CYP2J2: variants seen among roughly 807,000 people sequenced by gnomAD.
CYP2J2 encodes cytochrome P450 family 2 subfamily J member 2.
In CYP2J2, 41 loss-of-function variants were observed where a neutral mutation model predicts 48.8. The ratio of observed to expected loss-of-function variants is 0.84; its 90% confidence interval spans 0.66 to 1.09. The LOEUF is 1.09. Among genes scored for constraint, CYP2J2 ranks in the 50% least tolerant of loss-of-function variants. CYP2J2 has a pLI of 0.00. For synonymous variants in CYP2J2, 221 were observed against 227.1 expected (o/e 0.97, Z 0.24); for missense variants, 644 against 617.3 (o/e 1.04, Z -0.46).
At chr1:59,933,562 C>T in the CYP2J2 span, among the ~76,000 whole-genome samples, 315 of 152,128 alleles carry the variant, frequency 2.1e-3, 3 homozygotes, top group African/African-American at 6.9e-3. Flanking sequence ...CTTATTAGTT[C>T]TAACAGTTTT....
chr1:59,926,729 G>C lies in CYP2J2; in HGVS notation c.18C>G (p.Gly6=). The change falls in exon 1 of 9, where the codon GGC becomes GGG. Residue 6 remains glycine, a synonymous_variant. Transcript: ENST00000371204. MLAAM[G]SLAAALWAVV... is the part of the protein sequence containing the mutation. ...CTGCCCAGAGGGCAGCCGCCAGAGA[G>C]CCCATCGCCGCGAGCATGGCTCAGA... 1 of 1,613,472 alleles carries C rather than the reference G, an allele frequency of 6.2e-7. No homozygotes were observed. The highest frequency in any genetic ancestry group is 1.7e-4 in the Middle Eastern group (1 of 5,888).
rs996945619 is a variant in CYP2J2 at position 59,909,808 on chromosome 1, A to T, written c.837T>A (p.Asp279Glu). 1 of 1,593,170 alleles carries T rather than the reference A, an allele frequency of 6.3e-7. No individual in the cohort carries two copies. Among genetic ancestry groups the T allele is most frequent in the Non-Finnish European group, 8.5e-7 (1 of 1,174,174 alleles). The change falls in exon 5 of 9, where the codon GAT becomes GAA. Residue 279 changes from aspartate (D) to glutamate (E), a missense_variant. By Grantham distance (45) the Asp-to-Glu change is conservative. Coordinates refer to ENST00000371204, the MANE Select transcript of CYP2J2 (RefSeq NM_000775.4). The stretch of plus-strand genomic sequence containing the variant: ...CCTTTGACATTTCTTTAAGGTAAGC[A>T]TCAATAAAGTCTCTTGTTTCTGCAG... ...WNPAETRDFI[D>E]AYLKEMSKHT...
upstream of CYP2J2, among the ~76,000 whole-genome samples, chr1:59,931,511 G>T (rs1644603040): frequency 6.6e-6 from 1 of 152,012 alleles, no homozygotes; most frequent in Non-Finnish European, 1.5e-5. Context: ...AAATACAAGT[G>T]AAACTGAGTA....
At chr1:59,960,848 G>T in the CYP2J2 span, among the ~76,000 whole-genome samples, 1 of 151,982 alleles carries the variant, frequency 6.6e-6, no homozygotes, top group African/African-American at 2.4e-5. Context: ...ATCTTAAAAA[G>T]AAAATAAAAT....
chr1:59,948,923 C>T, the CYP2J2 span, among the ~76,000 whole-genome samples: 1 of 152,122 alleles, frequency 6.6e-6, no homozygotes, highest in Non-Finnish European at 1.5e-5. Flanking sequence ...CCCAGCTACT[C>T]AGGAGGCTGA....
chr1:59,926,452 A>G (rs1644564868), intron 1 of CYP2J2, 85 bp downstream of exon 1: 5 of 1,175,876 alleles, frequency 4.3e-6, no homozygotes, highest in Non-Finnish European at 6.4e-6. Context: ...TTCATCCCCC[A>G]CCCCACCCAC....
chr1:59,907,107 A>T (rs1644371312), intron 6 of CYP2J2, among the ~76,000 whole-genome samples: 1 of 152,204 alleles, frequency 6.6e-6, no homozygotes, highest in Non-Finnish European at 1.5e-5. Context: ...TATAGATAAT[A>T]CATGATAAGC....
intron 8 of CYP2J2, 48 bp downstream of exon 8, chr1:59,900,917 C>T (rs2102107871): frequency 1.3e-6 from 2 of 1,592,204 alleles, no homozygotes; most frequent in East Asian, 4.5e-5. Flanking sequence ...CAGGGGAGGG[C>T]TGGGAGAGGG....
chr1:59,959,556 ATATATATGTATGTG>A, the CYP2J2 span, among the ~76,000 whole-genome samples: 4 of 152,130 alleles, frequency 2.6e-5, no homozygotes, highest in Admixed American at 2.6e-4. Flanking sequence ...TGAGAGATAT[ATATATATGTATGTG>A]TATATATGTA....
At chr1:59,929,391 C>T (rs1644592255), upstream of CYP2J2, among the ~76,000 whole-genome samples, 2 of 152,130 alleles carry the variant, frequency 1.3e-5, no homozygotes, top group South Asian at 4.1e-4. Flanking sequence ...AAGTGTGACC[C>T]AGCACAGGAA....
At chr1:59,963,334 GTTA>G in the CYP2J2 span, among the ~76,000 whole-genome samples, 1 of 152,078 alleles carries the variant, frequency 6.6e-6, no homozygotes. Context: ...CTCTGTACTC[GTTA>G]AGCCATAACT....
the CYP2J2 span, among the ~76,000 whole-genome samples, chr1:59,960,237 A>G: frequency 2.6e-5 from 4 of 152,206 alleles, no homozygotes; most frequent in African/African-American, 4.8e-5. Flanking sequence ...TAGGTTAACT[A>G]TCATAGTGAA....
At chr1:59,948,706 C>T in the CYP2J2 span, among the ~76,000 whole-genome samples, 1 of 152,160 alleles carries the variant, frequency 6.6e-6, no homozygotes, top group African/African-American at 2.4e-5. Context: ...TTGAAAACCT[C>T]AGTTAAACCC....
At chr1:59,946,163 T>C in the CYP2J2 span, among the ~76,000 whole-genome samples, 4 of 152,228 alleles carry the variant, frequency 2.6e-5, no homozygotes, top group Admixed American at 6.5e-5. Context: ...AGGCTCTATA[T>C]GGCCTGGCTT....
At chr1:59,942,255 G>A in the CYP2J2 span, among the ~76,000 whole-genome samples, 2 of 152,102 alleles carry the variant, frequency 1.3e-5, no homozygotes, top group Non-Finnish European at 2.9e-5. Context: ...TGACCTAGGA[G>A]GGTCTTGTGA....
chr1:59,893,580 G>A lies in CYP2J2; in HGVS notation c.*71C>T. 1.7e-6 allele frequency: 2 copies of A among 1,195,860 alleles called. No homozygotes were observed. The highest frequency in any genetic ancestry group is 2.3e-6 in the Non-Finnish European group (2 of 853,084). The allele number at this position is 1,195,860 out of a possible 1,614,324, so 74.1% of individuals were successfully genotyped here. ...TTTCATTTTGTCCCAACACATCTGA[G>A]CAGACACCAGTGGTTTCAGAACACG... On this transcript the variant is annotated 3_prime_UTR_variant, in exon 9 of 9. Coordinates refer to ENST00000371204, the MANE Select transcript of CYP2J2 (RefSeq NM_000775.4).
At chr1:59,935,013 T>TATATATATATACAC in the CYP2J2 span, among the ~76,000 whole-genome samples, 4 of 39,760 alleles carry the variant, frequency 1.0e-4, no homozygotes, top group Admixed American at 6.5e-4. Flanking sequence ...TATATATATA[T>TATATATATATACAC]ACATATATAT....
At chr1:59,928,850 T>C (rs12729119), upstream of CYP2J2, among the ~76,000 whole-genome samples, 16,719 of 152,264 alleles carry the variant, frequency 0.11, 1,178 homozygotes, top group Admixed American at 0.17. Flanking sequence ...GGATAAACCA[T>C]AGGCTAACTA....
chr1:59,954,169 G>A, the CYP2J2 span, among the ~76,000 whole-genome samples: 3 of 152,152 alleles, frequency 2.0e-5, no homozygotes, highest in Non-Finnish European at 2.9e-5. Context: ...GGGTCTCTGG[G>A]TGACTGCAAT....
Sources: gnomAD v4.1 joint callset for allele counts (sites outside exome capture counted in the v4.1 genomes callset) on GRCh38, gnomAD v4.1.1 for gene constraint, MANE v1.5 for transcripts, NCBI Gene and HGNC (gene_info 2026-07-23, HGNC 2026-07-21) for gene names.